The following XRCC4 variants were observed in gnomAD, a reference collection of about 807,000 sequenced individuals.
XRCC4 encodes the protein DNA repair protein XRCC4.
A neutral mutation model predicts 39.1 loss-of-function variants in XRCC4; 28 were observed. That is an observed-to-expected ratio of 0.72 (90% CI 0.53 to 0.98). The LOEUF (loss-of-function observed/expected upper bound fraction) is 0.98. Among genes scored for constraint, XRCC4 ranks in the 50% least tolerant of loss-of-function variants. The pLI is 0.00. For missense variants in XRCC4, 350 were observed against 376.4 expected (o/e 0.93, Z 0.58); for synonymous variants, 123 against 126.4 (o/e 0.97, Z 0.18).
chr5:83,373,445 C>T, the XRCC4 span, among the ~76,000 whole-genome samples: 1 of 152,152 alleles, frequency 6.6e-6, no homozygotes, highest in Non-Finnish European at 1.5e-5. Context: ...CTTTTCTCAA[C>T]TTCTCTTTCT....
At chr5:83,083,286 A>G (rs949771395) in intron 1 of XRCC4, among the ~76,000 whole-genome samples, 9 of 152,034 alleles carry the variant, frequency 5.9e-5, no homozygotes, top group Non-Finnish European at 7.4e-5. Flanking sequence ...GTCTTATGCC[A>G]CATTCTAAAG....
intron 3 of XRCC4, among the ~76,000 whole-genome samples, chr5:83,151,524 A>G (rs1030461497): frequency 3.9e-5 from 6 of 152,208 alleles, no homozygotes; most frequent in Admixed American, 2.0e-4. Flanking sequence ...AAGCTGACCA[A>G]CAGAAAAAAC....
At chr5:83,363,677 A>G in the XRCC4 span, among the ~76,000 whole-genome samples, 2 of 151,900 alleles carry the variant, frequency 1.3e-5, no homozygotes, top group Admixed American at 6.6e-5. Context: ...ACCAAGAGAG[A>G]CTCTTTCTAG....
intron 3 of XRCC4, among the ~76,000 whole-genome samples, chr5:83,147,298 A>T (rs1748499058): frequency 6.6e-6 from 1 of 152,156 alleles, no homozygotes; most frequent in Non-Finnish European, 1.5e-5. Flanking sequence ...GGAAAGAATC[A>T]ACCCGGGTAT....
intron 3 of XRCC4, 69 bp downstream of exon 3, chr5:83,111,272 T>A: frequency 1.5e-6 from 2 of 1,309,758 alleles, no homozygotes. Context: ...TATATTTAAA[T>A]TTAAGTGACT....
the XRCC4 span, among the ~76,000 whole-genome samples, chr5:83,363,904 C>T: frequency 7.6e-4 from 115 of 152,266 alleles, no homozygotes; most frequent in African/African-American, 2.7e-3. Context: ...TCTCTTTGCA[C>T]CTCTTTCTGG....
At chr5:83,308,395 A>T (rs1445185843) in intron 7 of XRCC4, among the ~76,000 whole-genome samples, 4 of 152,208 alleles carry the variant, frequency 2.6e-5, no homozygotes, top group Admixed American at 2.0e-4. Context: ...GTATGCAGGA[A>T]TAAGTTAATA....
At chr5:83,361,676 G>T in the XRCC4 span, among the ~76,000 whole-genome samples, 2 of 150,012 alleles carry the variant, frequency 1.3e-5, no homozygotes, top group Non-Finnish European at 3.0e-5. Flanking sequence ...AGGCTGGAGT[G>T]CAATGCCATG....
chr5:83,142,410 G>T (rs1213181969), intron 3 of XRCC4, among the ~76,000 whole-genome samples: 1 of 152,164 alleles, frequency 6.6e-6, no homozygotes, highest in East Asian at 1.9e-4. Flanking sequence ...CACAGGTGGT[G>T]TGGCTTCAAA....
chr5:83,147,600 T>C (rs1049190822), intron 3 of XRCC4, among the ~76,000 whole-genome samples: 3 of 152,052 alleles, frequency 2.0e-5, no homozygotes, highest in Non-Finnish European at 4.4e-5. Context: ...ATACACAATT[T>C]CAATTAGGAG....
intron 3 of XRCC4, among the ~76,000 whole-genome samples, chr5:83,131,287 T>A (rs1007937812): frequency 2.0e-5 from 3 of 152,140 alleles, no homozygotes; most frequent in African/African-American, 7.2e-5. Flanking sequence ...TTTGAGTGAG[T>A]TTCTTAATCC....
At chr5:83,334,021 G>A (rs927337941) in intron 7 of XRCC4, among the ~76,000 whole-genome samples, 1 of 152,030 alleles carries the variant, frequency 6.6e-6, no homozygotes, top group Non-Finnish European at 1.5e-5. Flanking sequence ...GCCCACCTCA[G>A]CCTCCCAAAG....
chr5:83,218,310 CAT>C (rs1751951413), intron 6 of XRCC4, among the ~76,000 whole-genome samples: 2 of 148,038 alleles, frequency 1.4e-5, no homozygotes, highest in Admixed American at 6.9e-5. Flanking sequence ...TTCTCAAACT[CAT>C]AAAACTTTAT....
chr5:83,091,677 T>C (rs1451973658), intron 1 of XRCC4, among the ~76,000 whole-genome samples: 1 of 152,250 alleles, frequency 6.6e-6, no homozygotes, highest in Non-Finnish European at 1.5e-5. Flanking sequence ...GTCTGTGATG[T>C]CACAAATTAC....
intron 7 of XRCC4, among the ~76,000 whole-genome samples, chr5:83,305,731 C>A (rs1325160654): frequency 2.0e-5 from 3 of 152,144 alleles, no homozygotes; most frequent in Non-Finnish European, 4.4e-5. Flanking sequence ...AATCTACTCT[C>A]CTGACCCAGC....
chr5:83,299,301 T>G (rs1254407958), intron 7 of XRCC4, among the ~76,000 whole-genome samples: 3 of 152,150 alleles, frequency 2.0e-5, no homozygotes, highest in African/African-American at 7.2e-5. Flanking sequence ...GTAATCCATC[T>G]TTTCTTACTG....
intron 3 of XRCC4, among the ~76,000 whole-genome samples, chr5:83,177,260 A>G (rs973530509): frequency 6.6e-6 from 1 of 152,162 alleles, no homozygotes; most frequent in African/African-American, 2.4e-5. Flanking sequence ...ACTTTAAAAC[A>G]AGAATGGGGA....
At chr5:83,302,948 T>C (rs1212638038) in intron 7 of XRCC4, among the ~76,000 whole-genome samples, 2 of 152,152 alleles carry the variant, frequency 1.3e-5, no homozygotes, top group Admixed American at 1.3e-4. Flanking sequence ...CGCAGTGGCT[T>C]ACGCCTGTAA....
In XRCC4 at chr5:83,296,582, T is replaced by A. The variant is rs925703862; in HGVS notation, c.893+37905T>A. ...GGACTTTAACTCAATGATAAAAAAA[T>A]TTATTTATTTTATTTTTTGTGGTAC... is the stretch of plus-strand genomic sequence containing the variant. On this transcript the variant is annotated intron_variant, in intron 7 of 7. Coordinates refer to ENST00000396027, the MANE Select transcript of XRCC4 (RefSeq NM_003401.5). 2.0e-5 allele frequency among the ~76,000 whole-genome samples: 3 copies of A among 152,042 alleles called. No individual in the cohort carries two copies. In the South Asian group the frequency reaches 6.2e-4, roughly 31 times the overall value.
Sources: gnomAD v4.1 joint callset for allele counts (sites outside exome capture counted in the v4.1 genomes callset) on GRCh38, gnomAD v4.1.1 for gene constraint, MANE v1.5 for transcripts, NCBI Gene and HGNC (gene_info 2026-07-23, HGNC 2026-07-21) for gene names.